The following CADPS2 variants were observed in gnomAD, a reference collection of about 807,000 sequenced individuals.
CADPS2 encodes calcium-dependent secretion activator 2.
A neutral mutation model predicts 172.5 loss-of-function variants in CADPS2; 93 were observed. That is an observed-to-expected ratio of 0.54 (90% CI 0.46 to 0.64). CADPS2 has a LOEUF of 0.64. CADPS2 is among the 30% of genes least tolerant of loss of function. The probability of loss-of-function intolerance (pLI) is 0.00; values close to 1 mark genes in which losing one functional copy is unlikely to be tolerated. For synonymous variants in CADPS2, 546 were observed against 555.2 expected (o/e 0.98, Z 0.23); for missense variants, 1,420 against 1,565.9 (o/e 0.91, Z 1.57).
At chr7:122,564,847 GCACACACACACACA>G (rs113078322) in intron 7 of CADPS2, among the ~76,000 whole-genome samples, 4 of 145,418 alleles carry the variant, frequency 2.8e-5, no homozygotes, top group Non-Finnish European at 4.6e-5. Flanking sequence ...ACACACACAT[GCACACACACACACA>G]CACACACACA....
chr7:122,422,744 T>C (rs979463012), intron 17 of CADPS2, among the ~76,000 whole-genome samples: 3 of 150,830 alleles, frequency 2.0e-5, no homozygotes, highest in Admixed American at 2.0e-4. Context: ...CACTTGATAT[T>C]AGGAGTTCGA....
At chr7:122,435,855 A>G (rs2050575265) in intron 17 of CADPS2, among the ~76,000 whole-genome samples, 1 of 152,168 alleles carries the variant, frequency 6.6e-6, no homozygotes, top group African/African-American at 2.4e-5. Flanking sequence ...GCTTAATAGT[A>G]AAATAAGCCA....
chr7:122,718,652 T>G (rs1246320669), intron 2 of CADPS2, among the ~76,000 whole-genome samples: 1 of 152,096 alleles, frequency 6.6e-6, no homozygotes, highest in Admixed American at 6.6e-5. Context: ...GGCAGGGAAC[T>G]GATCAAATGG....
intron 19 of CADPS2, among the ~76,000 whole-genome samples, chr7:122,411,118 T>C (rs1225814147): frequency 1.3e-5 from 2 of 152,158 alleles, no homozygotes; most frequent in Non-Finnish European, 2.9e-5. Context: ...CATCCATCCA[T>C]CCATCTACCA....
At chr7:122,679,079 T>G (rs1453924908) in intron 2 of CADPS2, among the ~76,000 whole-genome samples, 1 of 152,022 alleles carries the variant, frequency 6.6e-6, no homozygotes, top group Non-Finnish European at 1.5e-5. Context: ...CTGGGCACCT[T>G]AAGAACAGGG....
At chr7:122,881,985 A>C (rs1823041190) in intron 1 of CADPS2, among the ~76,000 whole-genome samples, 1 of 152,184 alleles carries the variant, frequency 6.6e-6, no homozygotes, top group Non-Finnish European at 1.5e-5. Flanking sequence ...TGTACACAGC[A>C]GACACCAAAG....
At chr7:122,356,106 T>A (rs1164420020) in intron 27 of CADPS2, among the ~76,000 whole-genome samples, 1 of 152,184 alleles carries the variant, frequency 6.6e-6, no homozygotes, top group Non-Finnish European at 1.5e-5. Flanking sequence ...CTTTATTCAG[T>A]TTCCCTTCGT....
chr7:122,602,591 G>A (rs10281844), intron 6 of CADPS2, among the ~76,000 whole-genome samples: 53,765 of 151,740 alleles, frequency 0.35, 11,060 homozygotes, highest in African/African-American at 0.56. Context: ...GGCAGAGAAA[G>A]ATCAGGGAGG....
At chr7:122,832,234 G>A (rs1806770934) in intron 1 of CADPS2, among the ~76,000 whole-genome samples, 2 of 150,918 alleles carry the variant, frequency 1.3e-5, no homozygotes, top group East Asian at 3.9e-4. Flanking sequence ...CAAAATTACA[G>A]TTTTCAAGAT....
At chr7:122,691,436 C>T (rs192795729) in intron 2 of CADPS2, among the ~76,000 whole-genome samples, 19 of 152,308 alleles carry the variant, frequency 1.2e-4, no homozygotes, top group South Asian at 6.2e-4. Context: ...TGGTCACATG[C>T]ACATTCAGTT....
Position 122,564,124 on chromosome 7 carries a change from T to G in CADPS2, c.1336-9435A>C, listed in dbSNP as rs184493615. ...ACTCAACCTGTACCACCTTAAACTG[T>G]GAAGGTGAGCTCTTGTTCTTCATAT... On this transcript the variant is annotated intron_variant, in intron 7 of 29. Coordinates refer to ENST00000449022, the MANE Select transcript of CADPS2 (RefSeq NM_017954.11). 1.8e-3 allele frequency among the ~76,000 whole-genome samples: 273 copies of G among 152,272 alleles called. 5 individuals are homozygous for G. Among genetic ancestry groups the G allele is most frequent in the Admixed American group, 0.015 (230 of 15,286 alleles).
intron 2 of CADPS2, chr7:122,676,716 G>A (rs1293185880): frequency 3.8e-6 from 6 of 1,574,656 alleles, no homozygotes; most frequent in Non-Finnish European, 5.2e-6. Context: ...TGTACAGGAA[G>A]GACATGGGGC....
intron 8 of CADPS2, among the ~76,000 whole-genome samples, chr7:122,533,166 G>A (rs1213589627): frequency 6.6e-6 from 1 of 152,030 alleles, no homozygotes; most frequent in Non-Finnish European, 1.5e-5. Context: ...TGTGCCAGAT[G>A]CTAGAGAAAT....
intron 2 of CADPS2, among the ~76,000 whole-genome samples, chr7:122,707,433 C>T (rs991561445): frequency 1.3e-5 from 2 of 151,902 alleles, no homozygotes; most frequent in Non-Finnish European, 2.9e-5. Context: ...TAAGAGTGCT[C>T]ACACTTCCAG....
At chr7:122,454,127 C>A (rs556731390) in intron 14 of CADPS2, among the ~76,000 whole-genome samples, 1 of 152,132 alleles carries the variant, frequency 6.6e-6, no homozygotes, top group African/African-American at 2.4e-5. Flanking sequence ...TAATTCTTCC[C>A]GATAAGTGCA....
chr7:122,564,701 G>A (rs2066178083), intron 7 of CADPS2, among the ~76,000 whole-genome samples: 1 of 152,030 alleles, frequency 6.6e-6, no homozygotes, highest in Admixed American at 6.6e-5. Context: ...ATATCAAAAA[G>A]ACACCTGCAT....
intron 8 of CADPS2, among the ~76,000 whole-genome samples, chr7:122,524,956 T>C (rs1378661029): frequency 6.6e-6 from 1 of 152,056 alleles, no homozygotes; most frequent in African/African-American, 2.4e-5. Context: ...GAGACCAGCC[T>C]GGGCAACATG....
intron 9 of CADPS2, among the ~76,000 whole-genome samples, chr7:122,492,840 G>A (rs951988262): frequency 2.0e-5 from 3 of 152,056 alleles, no homozygotes; most frequent in African/African-American, 7.2e-5. Flanking sequence ...CTGGACCACA[G>A]GCACATCTAC....
At chr7:122,466,979 T>C (rs2055228260) in intron 14 of CADPS2, among the ~76,000 whole-genome samples, 2 of 152,168 alleles carry the variant, frequency 1.3e-5, no homozygotes, top group African/African-American at 2.4e-5. Flanking sequence ...TGCTTCAGTA[T>C]TGAACTTGAG....
Sources: gnomAD v4.1 joint callset for allele counts (sites outside exome capture counted in the v4.1 genomes callset) on GRCh38, gnomAD v4.1.1 for gene constraint, MANE v1.5 for transcripts, NCBI Gene and HGNC (gene_info 2026-07-23, HGNC 2026-07-21) for gene names.